The following LRFN5 variants were observed in gnomAD, a reference collection of about 807,000 sequenced individuals.
The protein encoded by LRFN5 is leucine-rich repeat and fibronectin type-III domain-containing protein 5.
In LRFN5, 24 loss-of-function variants were observed where a neutral mutation model predicts 45.6. That is an observed-to-expected ratio of 0.53 (90% confidence interval 0.38 to 0.74). The LOEUF is 0.74. LRFN5 is among the 30% of genes least tolerant of loss of function. The pLI is 0.00. For synonymous variants in LRFN5, 340 were observed against 313.8 expected (o/e 1.08, Z -0.88); for missense variants, 776 against 861.5 (o/e 0.90, Z 1.24).
intron 2 of LRFN5, among the ~76,000 whole-genome samples, chr14:41,869,440 T>TAA (rs374451245): frequency 2.6e-5 from 4 of 151,300 alleles, no homozygotes; most frequent in Admixed American, 1.3e-4. Context: ...TTTTTTTTTT[T>TAA]AAAAAAAGGT....
intron 1 of LRFN5, among the ~76,000 whole-genome samples, chr14:41,757,168 C>G (rs1885432975): frequency 6.6e-6 from 1 of 152,190 alleles, no homozygotes; most frequent in Non-Finnish European, 1.5e-5. Flanking sequence ...TCTGCCCCTA[C>G]TAGGGGGTGC....
At chr14:41,864,303 TC>T (rs1171146971) in intron 2 of LRFN5, among the ~76,000 whole-genome samples, 1 of 152,218 alleles carries the variant, frequency 6.6e-6, no homozygotes, top group Non-Finnish European at 1.5e-5. Context: ...GTCAAAGTGT[TC>T]CTATTTCTCC....
chr14:41,630,751 A>G (rs1376407132), intron 1 of LRFN5, among the ~76,000 whole-genome samples: 2 of 152,140 alleles, frequency 1.3e-5, no homozygotes, highest in Non-Finnish European at 2.9e-5. Context: ...TCGAGTTTTC[A>G]TCGGTCACTT....
rs116673269 is a variant in LRFN5, at chr14:41,896,773, T to A, written c.2099-2144T>A. On this transcript the variant is annotated intron_variant, in intron 4 of 5. Coordinates refer to ENST00000298119, the MANE Select transcript of LRFN5 (RefSeq NM_152447.5). Reference sequence around the variant, plus strand: ...TTTTTCCACAGAAACAATCAATTCATGTAGCAGGGTACAGAAGGCCACTTA... The same window carrying A: ...TTTTTCCACAGAAACAATCAATTCAAGTAGCAGGGTACAGAAGGCCACTTA... Among the ~76,000 whole-genome samples the A allele has an allele frequency of 4.7e-3, 708 of 152,188 alleles. 6 individuals are homozygous for A. The highest frequency in any genetic ancestry group is 0.016 in the African/African-American group (680 of 41,528).
At chr14:41,722,725 T>C (rs1883777634) in intron 1 of LRFN5, among the ~76,000 whole-genome samples, 1 of 152,162 alleles carries the variant, frequency 6.6e-6, no homozygotes, top group South Asian at 2.1e-4. Flanking sequence ...AGTCAGTAAA[T>C]GATTCTTATG....
chr14:41,852,222 T>A (rs1889292580), intron 2 of LRFN5, among the ~76,000 whole-genome samples: 1 of 151,950 alleles, frequency 6.6e-6, no homozygotes, highest in Admixed American at 6.6e-5. Context: ...TCAAATTATG[T>A]TAATTCACTC....
chr14:41,789,403 G>A (rs557393206), intron 2 of LRFN5, among the ~76,000 whole-genome samples: 29 of 152,108 alleles, frequency 1.9e-4, no homozygotes, highest in African/African-American at 6.5e-4. Context: ...GTAAGCTGGA[G>A]GCATCTTCCT....
intron 1 of LRFN5, among the ~76,000 whole-genome samples, chr14:41,718,621 T>A (rs1170985227): frequency 6.6e-6 from 1 of 152,206 alleles, no homozygotes; most frequent in Non-Finnish European, 1.5e-5. Flanking sequence ...CCGTGTTAGA[T>A]GAGGTAGACA....
chr14:41,735,861 A>T (rs1046906693), intron 1 of LRFN5, among the ~76,000 whole-genome samples: 25 of 151,334 alleles, frequency 1.7e-4, no homozygotes, highest in African/African-American at 5.8e-4. Context: ...TGGTGTTTGG[A>T]TTTCTGTTCC....
chr14:41,772,411 T>C (rs1315981222), intron 2 of LRFN5, among the ~76,000 whole-genome samples: 4 of 152,130 alleles, frequency 2.6e-5, no homozygotes, highest in Non-Finnish European at 5.9e-5. Flanking sequence ...CACAAAAACA[T>C]ACAGATACAA....
chr14:41,674,381 A>AC (rs572050991), intron 1 of LRFN5, among the ~76,000 whole-genome samples: 6 of 110,896 alleles, frequency 5.4e-5, no homozygotes, highest in Admixed American at 9.1e-5. Context: ...CGGGGGGCTG[A>AC]CCCCCCCACC....
At chr14:41,655,560 A>G (rs1342468001) in intron 1 of LRFN5, among the ~76,000 whole-genome samples, 1 of 152,010 alleles carries the variant, frequency 6.6e-6, no homozygotes, top group Non-Finnish European at 1.5e-5. Flanking sequence ...ATGGGAAACC[A>G]TTAGAAAGTT....
chr14:41,793,982 A>G (rs1172110189), intron 2 of LRFN5, among the ~76,000 whole-genome samples: 4 of 152,062 alleles, frequency 2.6e-5, no homozygotes, highest in African/African-American at 7.2e-5. Context: ...GTTATTATAG[A>G]TTCCTCCTGT....
At chr14:41,637,690 G>C (rs974132125) in intron 1 of LRFN5, among the ~76,000 whole-genome samples, 1 of 152,022 alleles carries the variant, frequency 6.6e-6, no homozygotes, top group African/African-American at 2.4e-5. Context: ...AATATTATAG[G>C]TTGCTTATAG....
At chr14:41,757,106 G>A (rs1159340843) in intron 1 of LRFN5, among the ~76,000 whole-genome samples, 7 of 152,176 alleles carry the variant, frequency 4.6e-5, no homozygotes, top group Non-Finnish European at 7.4e-5. Flanking sequence ...CTGCCTGATC[G>A]TTCCTCTGGA....
Position 41,898,948 on chromosome 14 carries a change from C to G in LRFN5, c.2130C>G (p.Val710=), listed in dbSNP as rs1891024020. ...TGCTGACTAATGTTGACCAGATTGT[C>G]CAGGAAACACAGGTGAGATTCTTAT... is the stretch of plus-strand genomic sequence containing the variant. ...NALLTNVDQI[V]QETQRLELI The change falls in exon 5 of 6, where the codon GTC becomes GTG. Residue 710 remains valine, a synonymous_variant. Transcript: ENST00000298119. 6.2e-7 allele frequency: 1 copy of G among 1,610,872 alleles called. No homozygotes were observed. Among genetic ancestry groups the G allele is most frequent in the South Asian group, 1.1e-5 (1 of 90,570 alleles).
At chr14:41,782,694 C>G (rs1886571540) in intron 2 of LRFN5, among the ~76,000 whole-genome samples, 2 of 152,104 alleles carry the variant, frequency 1.3e-5, no homozygotes, top group South Asian at 4.1e-4. Context: ...CTTTGTTTAG[C>G]ATTTGCTCTA....
At chr14:41,867,677 A>G (rs1043027340) in intron 2 of LRFN5, among the ~76,000 whole-genome samples, 1 of 152,046 alleles carries the variant, frequency 6.6e-6, no homozygotes, top group African/African-American at 2.4e-5. Flanking sequence ...TATGTATTTT[A>G]TCTCCATCAG....
intron 4 of LRFN5, among the ~76,000 whole-genome samples, chr14:41,896,500 C>T (rs1890943682): frequency 6.6e-6 from 1 of 151,982 alleles, no homozygotes; most frequent in South Asian, 2.1e-4. Context: ...TTTTTCTTAT[C>T]CTTTTATGTT....
Sources: allele counts gnomAD v4.1 joint callset (sites outside exome capture counted in the v4.1 genomes callset), GRCh38; gene constraint gnomAD v4.1.1; transcripts MANE v1.5; gene names NCBI Gene and HGNC (gene_info 2026-07-23, HGNC 2026-07-21).